The following CTNND2 variants were observed in gnomAD, a reference collection of about 807,000 sequenced individuals.
CTNND2 encodes catenin delta-2.
Under a neutral mutation model 144.4 loss-of-function variants are expected in CTNND2, and 22 were observed. That is an observed-to-expected ratio of 0.15 (90% confidence interval 0.11 to 0.22). The LOEUF is 0.22. Ranked by LOEUF, CTNND2 falls within the 10% of genes least tolerant of loss-of-function variation. The pLI is 1.00. For missense variants in CTNND2, 1,353 were observed against 1,618.8 expected (o/e 0.84, Z 2.82); for synonymous variants, 751 against 695.6 (o/e 1.08, Z -1.25).
intron 3 of CTNND2, among the ~76,000 whole-genome samples, chr5:11,539,879 C>T (rs1463032428): frequency 6.6e-6 from 1 of 151,980 alleles, no homozygotes; most frequent in Non-Finnish European, 1.5e-5. Context: ...GCTAAATATA[C>T]AAAAATTAGC....
chr5:11,048,858 C>T (rs779843185), intron 16 of CTNND2, among the ~76,000 whole-genome samples: 3 of 152,140 alleles, frequency 2.0e-5, no homozygotes, highest in Non-Finnish European at 2.9e-5. Context: ...GATCTGGAGC[C>T]GGGTTCCTCC....
intron 2 of CTNND2, among the ~76,000 whole-genome samples, chr5:11,633,825 G>C (rs1021239414): frequency 6.6e-6 from 1 of 151,976 alleles, no homozygotes. Context: ...AGATCAGTAG[G>C]CTACACTGGA....
intron 2 of CTNND2, among the ~76,000 whole-genome samples, chr5:11,584,868 A>T: frequency 6.6e-6 from 1 of 152,196 alleles, no homozygotes; most frequent in East Asian, 1.9e-4. Flanking sequence ...TTCTGTAAAA[A>T]ATCCAGGCCA....
chr5:11,752,434 G>A (rs958542595), intron 1 of CTNND2, among the ~76,000 whole-genome samples: 12 of 151,832 alleles, frequency 7.9e-5, no homozygotes, highest in African/African-American at 2.9e-4. Flanking sequence ...TATTGAATAG[G>A]AAGTCTTTTT....
intron 1 of CTNND2, among the ~76,000 whole-genome samples, chr5:11,785,985 G>A (rs540126023): frequency 2.3e-4 from 35 of 152,224 alleles, no homozygotes; most frequent in East Asian, 1.4e-3. Flanking sequence ...CACTGCTGCC[G>A]CTGTCACTCT....
At chr5:11,605,949 A>C (rs1042395473) in intron 2 of CTNND2, among the ~76,000 whole-genome samples, 1 of 152,184 alleles carries the variant, frequency 6.6e-6, no homozygotes, top group Non-Finnish European at 1.5e-5. Context: ...TAAAATAGGG[A>C]GGCTAACCTG....
At chr5:11,312,684 A>ACACTCCCCATATCCCCTCACCCTCAC (rs1751109094) in intron 9 of CTNND2, among the ~76,000 whole-genome samples, 1 of 145,414 alleles carries the variant, frequency 6.9e-6, no homozygotes, top group Non-Finnish European at 1.5e-5. Context: ...ACACTCACAC[A>ACACTCCCCATATCCCCTCACCCTCAC]CACTCCCCAT....
rs546712553 is a variant in CTNND2, at chr5:11,284,441, G to C, written c.1629-47618C>G. Among the ~76,000 whole-genome samples the C allele has an allele frequency of 5.3e-5, 8 of 152,196 alleles. No homozygotes were observed. In the East Asian group the frequency reaches 9.7e-4, roughly 18 times the overall value. Reference sequence around the variant, plus strand: ...GCCTGCCCCCTGGACAGGACCCAGTGTGTGTTGTTCCCCTCCCTGTGTCCA... The same window carrying C: ...GCCTGCCCCCTGGACAGGACCCAGTCTGTGTTGTTCCCCTCCCTGTGTCCA... On this transcript the variant is annotated intron_variant, in intron 9 of 21. Transcript: ENST00000304623.
chr5:11,360,237 A>T (rs938169165), intron 8 of CTNND2, among the ~76,000 whole-genome samples: 2 of 152,192 alleles, frequency 1.3e-5, no homozygotes, highest in Non-Finnish European at 2.9e-5. Flanking sequence ...TGGTAGGTGG[A>T]GTCTAAGGGG....
At chr5:10,974,654 C>T (rs895738234) in intron 21 of CTNND2, among the ~76,000 whole-genome samples, 7 of 152,112 alleles carry the variant, frequency 4.6e-5, no homozygotes, top group Non-Finnish European at 1.0e-4. Flanking sequence ...TGCTAATGTG[C>T]AGTAATTGGG....
intron 1 of CTNND2, among the ~76,000 whole-genome samples, chr5:11,757,667 T>C (rs1581834145): frequency 1.3e-5 from 2 of 151,984 alleles, no homozygotes; most frequent in African/African-American, 2.4e-5. Context: ...TAAAATGTAA[T>C]GTATAATTGT....
At chr5:11,880,297 A>G (rs1488331574) in intron 1 of CTNND2, among the ~76,000 whole-genome samples, 1 of 152,120 alleles carries the variant, frequency 6.6e-6, no homozygotes, top group African/African-American at 2.4e-5. Context: ...ATATTCCATA[A>G]TAAACGGAAA....
intron 3 of CTNND2, among the ~76,000 whole-genome samples, chr5:11,528,917 A>T (rs955084226): frequency 6.6e-6 from 1 of 152,174 alleles, no homozygotes; most frequent in African/African-American, 2.4e-5. Context: ...CTGGCTGGGC[A>T]ATTCATGTTG....
At chr5:11,527,577 A>G (rs1773370133) in intron 3 of CTNND2, among the ~76,000 whole-genome samples, 1 of 152,156 alleles carries the variant, frequency 6.6e-6, no homozygotes, top group Non-Finnish European at 1.5e-5. Context: ...CTCCCCTTAG[A>G]TAGAAGCAAA....
chr5:11,420,085 G>A (rs1459133576), intron 3 of CTNND2, among the ~76,000 whole-genome samples: 2 of 152,146 alleles, frequency 1.3e-5, no homozygotes, highest in Non-Finnish European at 2.9e-5. Context: ...ACAAGTTTGG[G>A]AGGCCGAGGC....
intron 12 of CTNND2, among the ~76,000 whole-genome samples, chr5:11,145,433 C>T (rs1757150318): frequency 6.6e-6 from 1 of 152,106 alleles, no homozygotes; most frequent in Non-Finnish European, 1.5e-5. Flanking sequence ...CCCAAGATTA[C>T]ACAACCTGTA....
rs1018497932 is a variant in CTNND2 at position 11,792,338 on chromosome 5, T to G, written c.38-60066A>C. Among the ~76,000 whole-genome samples the G allele has an allele frequency of 3.3e-5, 5 of 152,312 alleles. No individual in the cohort carries two copies. In the East Asian group the frequency reaches 9.6e-4, roughly 29 times the overall value. On this transcript the variant is annotated intron_variant, in intron 1 of 21. Transcript: ENST00000304623. ...ATATTTTAAAAACTGTCTAAATGTG[T>G]ACATGCCACAAAAATCCATCATTAA...
At chr5:11,262,683 A>AC (rs1744995854) in intron 9 of CTNND2, among the ~76,000 whole-genome samples, 1 of 147,548 alleles carries the variant, frequency 6.8e-6, no homozygotes, top group East Asian at 2.0e-4. Flanking sequence ...AATGGCGTGA[A>AC]CCCAGGAGGC....
At chr5:11,895,399 C>T (rs917704552) in intron 1 of CTNND2, among the ~76,000 whole-genome samples, 6 of 152,154 alleles carry the variant, frequency 3.9e-5, no homozygotes, top group East Asian at 1.9e-4. Context: ...AATTCACCGT[C>T]GCAACAACCT....
Sources: allele counts gnomAD v4.1 joint callset (sites outside exome capture counted in the v4.1 genomes callset), GRCh38; gene constraint gnomAD v4.1.1; transcripts MANE v1.5; gene names NCBI Gene and HGNC (gene_info 2026-07-23, HGNC 2026-07-21).